The following PPM1H variants were observed in gnomAD, a reference collection of about 807,000 sequenced individuals.
The protein encoded by PPM1H is protein phosphatase, Mg2+/Mn2+ dependent 1H.
PPM1H carries 27 observed loss-of-function variants against 54.9 expected under a neutral mutation model. That is an observed-to-expected ratio of 0.49 (90% CI 0.36 to 0.68). The LOEUF is 0.68. Ranked by LOEUF, PPM1H falls within the 30% of genes least tolerant of loss-of-function variation. The pLI is 0.00. For missense variants in PPM1H, 596 were observed against 667.8 expected (o/e 0.89, Z 1.19); for synonymous variants, 305 against 270.8 (o/e 1.13, Z -1.24).
chr12:62,868,981 A>G (rs1869882307), intron 1 of PPM1H, among the ~76,000 whole-genome samples: 1 of 152,188 alleles, frequency 6.6e-6, no homozygotes, highest in African/African-American at 2.4e-5. Context: ...ACCTGGTCTG[A>G]ACCACTCACT....
In PPM1H at chr12:62,647,908, G is replaced by GAA. The variant is rs71086621; in HGVS notation, c.*579_*580dup. 0.18 allele frequency: 19,889 copies of GAA among 107,796 alleles called. 2,529 individuals carry two copies. Among genetic ancestry groups the GAA allele is most frequent in the African/African-American group, 0.35 (9,937 of 28,200 alleles). The allele number at this position is 107,796 out of a possible 1,614,324, so 6.7% of individuals were successfully genotyped here. ...CAGATTCAAGGAATGTCAAAAACAC[G>GAA]AAAAAAAAAAAAAAAAATCCCTGCC... On this transcript the variant is annotated 3_prime_UTR_variant, in exon 10 of 10. Transcript: ENST00000228705.
chr12:62,672,127 T>C (rs1165772714), intron 8 of PPM1H, among the ~76,000 whole-genome samples: 1 of 152,200 alleles, frequency 6.6e-6, no homozygotes, highest in Non-Finnish European at 1.5e-5. Context: ...AGATGAAGCT[T>C]TGTGCCTTGT....
rs1219276080 is a variant in PPM1H at position 62,934,816 on chromosome 12, T to TGCGGTGG, written c.-87_-81dup. ...AAGGCGCAGCGCGGGGCATGCAGGC[T>TGCGGTGG]GCGGTGGGCGCCGGGCGCACGGCGA... On this transcript the variant is annotated 5_prime_UTR_variant, in exon 1 of 10. Coordinates refer to ENST00000228705, the MANE Select transcript of PPM1H (RefSeq NM_020700.2). This position sits in a 1 kb window ranked among gnomAD's most constrained non-coding sequence, Gnocchi z 4.2. 1 of 1,256,104 alleles carries TGCGGTGG rather than the reference T, an allele frequency of 8.0e-7. No homozygotes were observed. The highest frequency in any genetic ancestry group is 1.0e-6 in the Non-Finnish European group (1 of 993,958). The allele number at this position is 1,256,104 out of a possible 1,614,324, so 77.8% of individuals were successfully genotyped here. A position where few individuals can be genotyped will look rare whatever the true frequency, so the allele number is the denominator to read the frequency against.
chr12:62,866,870 G>A (rs370703793), intron 1 of PPM1H, among the ~76,000 whole-genome samples: 12 of 151,762 alleles, frequency 7.9e-5, no homozygotes, highest in African/African-American at 2.7e-4. Flanking sequence ...AGTCCATGAC[G>A]CTCATCCCTA....
intron 1 of PPM1H, among the ~76,000 whole-genome samples, chr12:62,873,060 T>G (rs1369899774): frequency 2.6e-5 from 4 of 152,160 alleles, no homozygotes; most frequent in African/African-American, 9.7e-5. Context: ...AAAACAGAGG[T>G]TAAATGTGTT....
At chr12:62,670,310 T>C (rs1045253467) in intron 8 of PPM1H, among the ~76,000 whole-genome samples, 5 of 152,122 alleles carry the variant, frequency 3.3e-5, no homozygotes, top group Admixed American at 6.5e-5. Context: ...ATACCTACAA[T>C]AAATTTTTGG....
chr12:62,908,764 G>A (rs771986), intron 1 of PPM1H, among the ~76,000 whole-genome samples: 50,212 of 152,030 alleles, frequency 0.33, 9,898 homozygotes, highest in Non-Finnish European at 0.45. Flanking sequence ...CAGTAGAGTG[G>A]GTAGATATTA....
intron 7 of PPM1H, among the ~76,000 whole-genome samples, chr12:62,691,625 A>G (rs2076083215): frequency 6.6e-6 from 1 of 152,076 alleles, no homozygotes; most frequent in African/African-American, 2.4e-5. Flanking sequence ...GGAGTTTGAG[A>G]CTAGCCAGGG....
At chr12:62,852,228 C>CAAAA (rs59673617) in intron 1 of PPM1H, among the ~76,000 whole-genome samples, 1,651 of 60,328 alleles carry the variant, frequency 0.027, 68 homozygotes, top group East Asian at 0.056. Flanking sequence ...GACTCTGTCT[C>CAAAA]AAAAAAAAAA....
intron 1 of PPM1H, among the ~76,000 whole-genome samples, chr12:62,835,112 A>G (rs1868464173): frequency 1.3e-5 from 2 of 152,206 alleles, no homozygotes; most frequent in African/African-American, 4.8e-5. Flanking sequence ...TTTTGAACCA[A>G]AAAAGCATCG....
intron 5 of PPM1H, 22 bp from the exon 6 acceptor site, chr12:62,720,311 A>C (rs1258971091): frequency 6.6e-7 from 1 of 1,519,066 alleles, no homozygotes; most frequent in African/African-American, 1.4e-5. Flanking sequence ...AAGAAAAAGA[A>C]AAAACACACA....
At chr12:62,849,718 G>A (rs1368753973) in intron 1 of PPM1H, among the ~76,000 whole-genome samples, 1 of 152,192 alleles carries the variant, frequency 6.6e-6, no homozygotes, top group Non-Finnish European at 1.5e-5. Context: ...CCCAGAGGAA[G>A]AAAAGTTTTA....
At chr12:62,719,089 GA>G (rs1336394667) in intron 6 of PPM1H, among the ~76,000 whole-genome samples, 1 of 152,206 alleles carries the variant, frequency 6.6e-6, no homozygotes. Context: ...TGTAGAGGAA[GA>G]AGAGTGGATA....
intron 4 of PPM1H, among the ~76,000 whole-genome samples, chr12:62,743,772 G>A (rs1447580791): frequency 2.6e-5 from 4 of 151,788 alleles, no homozygotes; most frequent in East Asian, 1.9e-4. Flanking sequence ...AAAATGCAAC[G>A]ATTAATAAAG....
chr12:62,815,950 T>G (rs1282897089), intron 2 of PPM1H, among the ~76,000 whole-genome samples: 4 of 152,204 alleles, frequency 2.6e-5, no homozygotes, highest in Non-Finnish European at 5.9e-5. Flanking sequence ...AGCTCTGTTT[T>G]TCATCTTAGT....
chr12:62,707,532 C>A (rs570338419), intron 6 of PPM1H, among the ~76,000 whole-genome samples: 4 of 152,244 alleles, frequency 2.6e-5, no homozygotes, highest in African/African-American at 9.6e-5. Flanking sequence ...TAGGGCTGCC[C>A]AAAGTCAATG....
At chr12:62,931,977 T>C (rs1282953678) in intron 1 of PPM1H, among the ~76,000 whole-genome samples, 1 of 152,018 alleles carries the variant, frequency 6.6e-6, no homozygotes, top group South Asian at 2.1e-4. Flanking sequence ...ACGCATGATA[T>C]GTATTTATGA....
chr12:62,909,726 A>G (rs936734717), intron 1 of PPM1H, among the ~76,000 whole-genome samples: 2 of 152,058 alleles, frequency 1.3e-5, no homozygotes. Flanking sequence ...CACACTACAT[A>G]TTTATTTGCA....
chr12:62,662,023 C>T (rs1304241463), intron 9 of PPM1H, among the ~76,000 whole-genome samples: 4 of 152,170 alleles, frequency 2.6e-5, no homozygotes, highest in Non-Finnish European at 1.5e-5. Context: ...TTTTCTTTCC[C>T]ATCCTGTTTG....
Sources: allele counts gnomAD v4.1 joint callset (sites outside exome capture counted in the v4.1 genomes callset), GRCh38; gene constraint gnomAD v4.1.1; non-coding constraint Gnocchi (gnomAD v3.1); transcripts MANE v1.5; gene names NCBI Gene and HGNC (gene_info 2026-07-23, HGNC 2026-07-21).